The following TMEM101 variants were observed in gnomAD, a reference collection of about 807,000 sequenced individuals.
TMEM101 encodes the protein putative NF-kappa-B-activating protein 130.
Under a neutral mutation model 26.0 loss-of-function variants are expected in TMEM101, and 14 were observed. The observed-to-expected ratio is 0.54, with a 90% confidence interval of 0.36 to 0.84. The LOEUF is 0.84. TMEM101 is among the 40% of genes least tolerant of loss of function. TMEM101 has a pLI of 0.01. For missense variants in TMEM101, 292 were observed against 345.1 expected (o/e 0.85, Z 1.22); for synonymous variants, 152 against 145.1 (o/e 1.05, Z -0.34).
chr17:44,014,369 C>G lies in TMEM101; in HGVS notation c.306G>C (p.Gly102=), dbSNP rs1428262287. The G allele has an allele frequency of 1.5e-5, 24 of 1,552,360 alleles. No individual in the cohort carries two copies. Among genetic ancestry groups the G allele is most frequent in the Non-Finnish European group, 1.8e-5 (21 of 1,147,294 alleles). ...AAYIGGYVHY[G]DWLKVRMYSR... ...CCGAGGCGCTCACCTTCAGCCAGTC[C>G]CCGTAGTGGACGTAGCCCCCGATGT... Residue 102 remains glycine (G), a synonymous_variant, in exon 2 of 4, where the codon GGG becomes GGC. Transcript: ENST00000206380.
At chr17:44,015,897 A>G (rs1567947897), upstream of TMEM101, among the ~76,000 whole-genome samples, 1 of 152,146 alleles carries the variant, frequency 6.6e-6, no homozygotes, top group Non-Finnish European at 1.5e-5. Context: ...GGACATCTCA[A>G]GTCAGTCCAT....
chr17:44,014,648 CT>C, intron 1 of TMEM101, 111 bp from the exon 2 acceptor site: 6 of 1,510,044 alleles, frequency 4.0e-6, no homozygotes, highest in Non-Finnish European at 5.4e-6. Flanking sequence ...CCAGACTCCC[CT>C]CCCATGGGCA....
upstream of TMEM101, chr17:44,023,212 G>T (rs1597876185): frequency 6.3e-6 from 1 of 158,852 alleles, no homozygotes; most frequent in South Asian, 1.6e-4. Context: ...GGCCCTTCGT[G>T]ACTGGGCTCA....
chr17:44,013,236 T>C, intron 2 of TMEM101, 81 bp from the exon 3 acceptor site: 2 of 1,289,112 alleles, frequency 1.6e-6, no homozygotes, highest in Non-Finnish European at 2.0e-6. Context: ...GAACCACCCC[T>C]CTCTACACAT....
chr17:44,011,904 CAT>C lies in TMEM101; in HGVS notation c.*22_*23del. The C allele has an allele frequency of 6.3e-7, 1 of 1,584,162 alleles. No individual in the cohort carries two copies. The highest frequency in any genetic ancestry group is 8.6e-7 in the Non-Finnish European group (1 of 1,162,026). The stretch of plus-strand genomic sequence containing the variant: ...GTGACCCTCAGTGGCTCCCTGTGCC[CAT>C]CTCAGCCTCTTGCCATAAAACTCAG... On this transcript the variant is annotated 3_prime_UTR_variant, in exon 4 of 4. Coordinates refer to ENST00000206380, the MANE Select transcript of TMEM101 (RefSeq NM_032376.4).
In TMEM101 at chr17:44,014,832, T is replaced by C; in HGVS notation, c.121A>G (p.Arg41Gly). 6.3e-7 allele frequency: 1 copy of C among 1,599,258 alleles called. No individual in the cohort carries two copies. Among genetic ancestry groups the C allele is most frequent in the Non-Finnish European group, 8.5e-7 (1 of 1,171,058 alleles). Reference sequence around the variant, plus strand: ...CCTGCTCACCGGCGTGCCTCAGCCCTCTCAGCGTACAGCATGAGCTGGCTG... The same window carrying C: ...CCTGCTCACCGGCGTGCCTCAGCCCCCTCAGCGTACAGCATGAGCTGGCTG... ...CFSQLMLYAERAEARRKPDIP... is the reference protein window; with the variant it reads ...CFSQLMLYAEGAEARRKPDIP... The change falls in exon 1 of 4, where the codon AGG (arginine) becomes GGG (glycine). Residue 41 changes from arginine (R) to glycine (G), a missense_variant. Coordinates refer to ENST00000206380, the MANE Select transcript of TMEM101 (RefSeq NM_032376.4).
intron 1 of TMEM101, 132 bp downstream of exon 1, chr17:44,014,684 G>C (rs1352034701): frequency 2.0e-6 from 3 of 1,501,176 alleles, no homozygotes; most frequent in Non-Finnish European, 2.7e-6. Flanking sequence ...GATTTGGTCC[G>C]ACACCCAGAC....
Position 44,014,476 on chromosome 17 carries a change from T to C in TMEM101, c.199A>G (p.Ser67Gly), listed in dbSNP as rs369070256. ...CGCTTCACGCCAAAGGACATGAAAC[T>C]AGCGCACAGCACGGCTGCCCCCATG... is the stretch of plus-strand genomic sequence containing the variant. ...FDMGAAVLCASFMSFGVKRRW... is the reference protein window; with the variant it reads ...FDMGAAVLCAGFMSFGVKRRW... The change falls in exon 2 of 4, where the codon AGT becomes GGT. Residue 67 changes from serine to glycine, a missense_variant. This residue lies in a region of TMEM101 where 143 missense variants were observed against 133.2 expected (regional missense o/e 1.07). Transcript: ENST00000206380. 88 of 1,564,870 alleles carry C rather than the reference T, an allele frequency of 5.6e-5. No homozygotes were observed. The highest frequency in any genetic ancestry group is 7.4e-5 in the Non-Finnish European group (85 of 1,154,458).
At chr17:44,020,677 G>A (rs959101599) in intron 2 of TMEM101, among the ~76,000 whole-genome samples, 2 of 152,184 alleles carry the variant, frequency 1.3e-5, no homozygotes, top group Admixed American at 6.5e-5. Flanking sequence ...AGCCAAGATC[G>A]TGCCACTGCA....
At chr17:44,014,141 T>C (rs996753658) in intron 2 of TMEM101, among the ~76,000 whole-genome samples, 1 of 152,226 alleles carries the variant, frequency 6.6e-6, no homozygotes, top group Non-Finnish European at 1.5e-5. Flanking sequence ...TTCCCATCTC[T>C]AGACCTCAGT....
chr17:44,011,777 G>C lies in TMEM101; in HGVS notation c.*151C>G. ...GCCCAGAAATTTGGACAAATGAGCT[G>C]CCTCTTAACTGCAAAAAACAATTTT... On this transcript the variant is annotated 3_prime_UTR_variant, in exon 4 of 4. Transcript: ENST00000206380. The C allele has an allele frequency of 2.4e-6, 2 of 821,838 alleles. No individual in the cohort carries two copies. Among genetic ancestry groups the C allele is most frequent in the Non-Finnish European group, 3.7e-6 (2 of 539,594 alleles). The allele number at this position is 821,838 out of a possible 1,614,324, so 50.9% of individuals were successfully genotyped here.
Position 44,014,863 on chromosome 17 carries a change from G to T in TMEM101, c.90C>A (p.Gly30=). The T allele has an allele frequency of 6.2e-7, 1 of 1,613,732 alleles. No individual in the cohort carries two copies. Among genetic ancestry groups the T allele is most frequent in the Non-Finnish European group, 8.5e-7 (1 of 1,179,764 alleles). The change falls in exon 1 of 4, where the codon GGC becomes GGA. Residue 30 remains glycine (G), a synonymous_variant. Transcript: ENST00000206380. ...SVLLTRCPFW[G]CFSQLMLYAE... Reference sequence around the variant, plus strand: ...CGTACAGCATGAGCTGGCTGAAGCAGCCCCAAAAGGGGCAGCGTGTGAGCA... The same window carrying T: ...CGTACAGCATGAGCTGGCTGAAGCATCCCCAAAAGGGGCAGCGTGTGAGCA...
In TMEM101 at chr17:44,011,973, A is replaced by G; in HGVS notation, c.729T>C (p.Ser243=). 1.9e-6 allele frequency: 3 copies of G among 1,613,798 alleles called. No homozygotes were observed. The highest frequency in any genetic ancestry group is 2.5e-6 in the Non-Finnish European group (3 of 1,179,834). The stretch of plus-strand genomic sequence containing the variant: ...TGACAGCAGTTCCGAAGATGCCCAC[A>G]CTCTCTCCAAGGAGCTTCATCTGGT... ...FWNQMKLLGE[S]VGIFGTAVIL... is the part of the protein sequence containing the mutation. The change falls in exon 4 of 4, where the codon AGT becomes AGC. Residue 243 remains serine (S), a synonymous_variant. Transcript: ENST00000206380.
upstream of TMEM101, chr17:44,019,385 GCA>G: frequency 2.5e-6 from 1 of 406,444 alleles, no homozygotes; most frequent in Non-Finnish European, 4.9e-6. Context: ...ACTCGTCCGT[GCA>G]CAGACGAGGA....
rs773985527 is a variant in TMEM101 at position 44,012,091 on chromosome 17, G to A, written c.611C>T (p.Ala204Val). The change falls in exon 4 of 4, where the codon GCC (alanine) becomes GTC (valine). Residue 204 changes from alanine to valine, a missense_variant. By Grantham distance (64) the Ala-to-Val change is moderately conservative (BLOSUM62 0). Around this residue, in one of 2 missense-constraint regions of TMEM101, gnomAD observed 149 missense variants for 211.9 expected, o/e 0.70. Transcript: ENST00000206380. The part of the protein sequence containing the change: ...FLSGYYVTLA[A>V]QILAVLLPPV... Reference sequence around the variant, plus strand: ...GGGCAGCAGTACAGCCAGGATCTGGGCAGCGAGGGTCACGTAGTAGCCTGA... The same window carrying A: ...GGGCAGCAGTACAGCCAGGATCTGGACAGCGAGGGTCACGTAGTAGCCTGA... 6.2e-7 allele frequency: 1 copy of A among 1,614,248 alleles called. No homozygotes were observed. The highest frequency in any genetic ancestry group is 8.5e-7 in the Non-Finnish European group (1 of 1,180,042).
Position 44,020,447 on chromosome 17 carries a change from G to A in TMEM101, c.-210+875C>T, listed in dbSNP as rs750938626. ...TTTCAAGTGTTATCCCGGGCCAGGC[G>A]CGGTGGCTCACACCTGCAATCCCAG... On this transcript the variant is annotated intron_variant, in intron 2 of 4. Transcript: ENST00000585950. Among the ~76,000 whole-genome samples, 4 of 152,282 alleles carry A rather than the reference G, an allele frequency of 2.6e-5. No homozygotes were observed. In the East Asian group the frequency reaches 7.7e-4, roughly 29 times the overall value.
rs746886148 is a variant in TMEM101 at position 44,011,946 on chromosome 17, G to T, written c.756C>A (p.Ile252=). 3 of 1,610,264 alleles carry T rather than the reference G, an allele frequency of 1.9e-6. No homozygotes were observed. In the East Asian group the frequency reaches 6.7e-5, roughly 36 times the overall value. The change falls in exon 4 of 4, where the codon ATC becomes ATA. Residue 252 remains isoleucine, a synonymous_variant. Coordinates refer to ENST00000206380, the MANE Select transcript of TMEM101 (RefSeq NM_032376.4). ...ESVGIFGTAV[I]LATDG is the part of the protein sequence containing the mutation. Reference sequence around the variant, plus strand: ...ATAAAACTCAGCCATCAGTGGCCAGGATGACAGCAGTTCCGAAGATGCCCA... The same window carrying T: ...ATAAAACTCAGCCATCAGTGGCCAGTATGACAGCAGTTCCGAAGATGCCCA...
intron 1 of TMEM101, among the ~76,000 whole-genome samples, chr17:44,021,954 A>C (rs1168381143): frequency 1.3e-5 from 2 of 152,320 alleles, no homozygotes; most frequent in African/African-American, 4.8e-5. Context: ...AGTTACTTGC[A>C]GTTCTACTGG....
intron 3 of TMEM101, 192 bp downstream of exon 3, chr17:44,012,817 G>T: frequency 2.0e-6 from 1 of 493,184 alleles, no homozygotes. Context: ...ACTGTTGGAG[G>T]AAGGGCCTCT....
Sources: allele counts gnomAD v4.1 joint callset (sites outside exome capture counted in the v4.1 genomes callset), GRCh38; gene constraint gnomAD v4.1.1; regional missense constraint gnomAD v4.1.1; transcripts MANE v1.5; gene names NCBI Gene and HGNC (gene_info 2026-07-23, HGNC 2026-07-21).